ZNF721: variants seen among roughly 807,000 people sequenced by gnomAD.
The protein encoded by ZNF721 is zinc finger protein 721.
In ZNF721, 2 loss-of-function variants were observed where a neutral mutation model predicts 2.4. That is an observed-to-expected ratio of 0.82 (90% CI 0.34 to 2.58). ZNF721 has a LOEUF of 2.58. ZNF721 is among the 30% of genes most tolerant of loss of function. The probability of loss-of-function intolerance (pLI) is 0.11; values close to 1 mark genes in which losing one functional copy is unlikely to be tolerated. For synonymous variants in ZNF721, 398 were observed against 381.8 expected, an observed-to-expected ratio of 1.04 and a Z score of -0.50; for missense variants, 1,187 against 1,085.5, an observed-to-expected ratio of 1.09 and a Z score of -1.31.
intron 1 of ZNF721, among the ~76,000 whole-genome samples, chr4:474,870 C>A (rs1715585091): frequency 6.6e-6 from 1 of 151,720 alleles, no homozygotes; most frequent in South Asian, 2.1e-4. Context: ...AGTGAGACTC[C>A]GTCTCAAAAA....
chr4:447,385 C>T (rs1419444630), intron 2 of ZNF721, among the ~76,000 whole-genome samples: 1 of 151,628 alleles, frequency 6.6e-6, no homozygotes, highest in Non-Finnish European at 1.5e-5. Flanking sequence ...TATGTACTTT[C>T]CAAGATACCA....
Position 442,358 on chromosome 4 carries a change from G to T in ZNF721, c.2109C>A (p.Gly703=), listed in dbSNP as rs782241598. ...GEKPYKCEEC[G]KAFSRSRNLT... ...GGTTTCTTGACCTACTAAAGGCTTT[G>T]CCACACTCTTCACATTTGTAAGGTT... Residue 703 remains glycine (G), a synonymous_variant, in exon 3 of 3, where the codon GGC becomes GGA. Transcript: ENST00000511833. 1.2e-5 allele frequency: 20 copies of T among 1,613,834 alleles called. No individual in the cohort carries two copies. Among genetic ancestry groups the T allele is most frequent in the Middle Eastern group, 3.3e-4 (2 of 6,084 alleles).
intron 1 of ZNF721, among the ~76,000 whole-genome samples, chr4:473,459 A>C (rs921526651): frequency 1.2e-4 from 18 of 152,228 alleles, no homozygotes; most frequent in Non-Finnish European, 1.9e-4. Flanking sequence ...GGGCAAGGGG[A>C]CTGGTGGGAA....
At chr4:477,672 A>G (rs116570547) in intron 1 of ZNF721, among the ~76,000 whole-genome samples, 2,622 of 152,232 alleles carry the variant, frequency 0.017, 83 homozygotes, top group African/African-American at 0.06. Flanking sequence ...TGAGCAGAAA[A>G]AAGAGCCCCT....
intron 2 of ZNF721, among the ~76,000 whole-genome samples, chr4:470,896 A>C (rs1000495102): frequency 2.0e-5 from 3 of 151,826 alleles, no homozygotes; most frequent in African/African-American, 4.8e-5. Context: ...GCTACTCGGG[A>C]GGCTAAGGCA....
At chr4:461,404 C>G (rs1462943453) in intron 2 of ZNF721, among the ~76,000 whole-genome samples, 1 of 152,070 alleles carries the variant, frequency 6.6e-6, no homozygotes, top group Non-Finnish European at 1.5e-5. Flanking sequence ...AATTCAACAC[C>G]CCTTCATGCT....
At chr4:489,252 C>A (rs1715968130) in intron 1 of ZNF721, among the ~76,000 whole-genome samples, 1 of 152,264 alleles carries the variant, frequency 6.6e-6, no homozygotes, top group African/African-American at 2.4e-5. Flanking sequence ...GAGAAATTGA[C>A]CCCTCCCATT....
chr4:492,127 C>A (rs1197278559), intron 1 of ZNF721, among the ~76,000 whole-genome samples: 2 of 151,296 alleles, frequency 1.3e-5, no homozygotes, highest in African/African-American at 4.9e-5. Context: ...CACGCCACTG[C>A]ACTCCAGTCT....
intron 1 of ZNF721, among the ~76,000 whole-genome samples, chr4:491,311 A>C (rs4690269): frequency 6.6e-6 from 1 of 152,160 alleles, no homozygotes; most frequent in Non-Finnish European, 1.5e-5. Flanking sequence ...CTAGCTACTC[A>C]GGAGGCTGAG....
intron 1 of ZNF721, among the ~76,000 whole-genome samples, chr4:485,031 G>A (rs1264377300): frequency 1.1e-4 from 16 of 152,042 alleles, no homozygotes; most frequent in African/African-American, 3.9e-4. Flanking sequence ...TATTTCTCAA[G>A]CCGGCCGACA....
chr4:442,009 T>C lies in ZNF721; in HGVS notation c.2458A>G (p.Ser820Gly), dbSNP rs1714258724. The change falls in exon 3 of 3, where the codon AGT (serine) becomes GGT (glycine). Residue 820 changes from serine to glycine, a missense_variant. Physicochemically the swap from Ser to Gly is moderately conservative, Grantham distance 56. Coordinates refer to ENST00000511833, the MANE Select transcript of ZNF721 (RefSeq NM_133474.4). ...CTATGTTTAGTAAGGGTTGTGGAAC[T>C]AGTAAACGCTTTACCACATTCTAAA... ...KCLECGKAFT[S>G]STTLTKHRRI... is the part of the protein sequence containing the mutation. 6.2e-7 allele frequency: 1 copy of C among 1,613,938 alleles called. No individual in the cohort carries two copies. Among genetic ancestry groups the C allele is most frequent in the Non-Finnish European group, 8.5e-7 (1 of 1,179,922 alleles).
rs782155360 is a variant in ZNF721, at chr4:443,814, T to A, written c.653A>T (p.Asp218Val). The change falls in exon 3 of 3, where the codon GAT becomes GTT. Residue 218 changes from aspartate to valine, a missense_variant. Transcript: ENST00000511833. Reference protein sequence around the residue: ...LNEYKKIHTGDKPYKCKECGK... With the variant: ...LNEYKKIHTGVKPYKCKECGK... The stretch of plus-strand genomic sequence containing the variant: ...ACATTCTTTACATTTGTAGGGTTTA[T>A]CTCCAGTATGAATTTTCTTATATTC... The A allele has an allele frequency of 2.5e-6, 4 of 1,614,012 alleles. No individual in the cohort carries two copies. In the South Asian group the frequency reaches 4.4e-5, roughly 18 times the overall value.
Position 450,937 on chromosome 4 carries a change from C to CAAA in ZNF721, c.35-6508_35-6506dup, listed in dbSNP as rs781962651. On this transcript the variant is annotated intron_variant, in intron 2 of 2. Transcript: ENST00000511833. ...GGGCGACAGAGCAAGACTCTGTCTC[C>CAAA]AAAAAAAAAAAAAAAAAAAATATAT... is the stretch of plus-strand genomic sequence containing the variant. Among the ~76,000 whole-genome samples, 7 of 26,512 alleles carry CAAA rather than the reference C, an allele frequency of 2.6e-4. 1 individual carries two copies. The highest frequency in any genetic ancestry group is 7.3e-4 in the African/African-American group (4 of 5,506). 17.4% of individuals were successfully genotyped at this position (26,512 alleles called of 152,430 possible). A position where few individuals can be genotyped will look rare whatever the true frequency, so the allele number is the denominator to read the frequency against.
intron 1 of ZNF721, among the ~76,000 whole-genome samples, chr4:478,717 GCATA>G (rs1384783204): frequency 6.6e-6 from 1 of 151,878 alleles, no homozygotes; most frequent in Non-Finnish European, 1.5e-5. Flanking sequence ...TTCCTGCTAC[GCATA>G]CATAAATAGA....
At chr4:486,487 A>G (rs1715900777) in intron 1 of ZNF721, among the ~76,000 whole-genome samples, 1 of 152,112 alleles carries the variant, frequency 6.6e-6, no homozygotes, top group Admixed American at 6.6e-5. Flanking sequence ...TGTGTGCTCT[A>G]GGCACTTGCC....
rs544923673 is a variant in ZNF721 at position 440,213 on chromosome 4, G to C, written c.*1482C>G. On this transcript the variant is annotated 3_prime_UTR_variant, in exon 3 of 3. Transcript: ENST00000511833. ...CAACCACTAAAAGCCTCTCTGCTCA[G>C]ATTTTCCTGGTGCATCTTTTATTTC... The C allele has an allele frequency of 6.6e-6, 1 of 152,136 alleles. No homozygotes were observed. Among genetic ancestry groups the C allele is most frequent in the South Asian group, 2.1e-4 (1 of 4,820 alleles). 9.4% of individuals were successfully genotyped at this position (152,136 alleles called of 1,614,324 possible).
intron 2 of ZNF721, among the ~76,000 whole-genome samples, chr4:461,173 C>T (rs1553866044): frequency 6.6e-6 from 1 of 152,124 alleles, no homozygotes; most frequent in African/African-American, 2.4e-5. Flanking sequence ...CCAATATCCC[C>T]GATGAACATC....
intron 2 of ZNF721, among the ~76,000 whole-genome samples, chr4:471,717 T>G (rs1024649452): frequency 6.6e-6 from 1 of 152,170 alleles, no homozygotes; most frequent in African/African-American, 2.4e-5. Context: ...TGCTTACAAT[T>G]TGCTAGGACA....
At chr4:471,761 C>A (rs1553867706) in intron 2 of ZNF721, among the ~76,000 whole-genome samples, 1 of 152,034 alleles carries the variant, frequency 6.6e-6, no homozygotes, top group Non-Finnish European at 1.5e-5. Flanking sequence ...CCAAAAAAAT[C>A]ATGATCTATA....
Sources: gnomAD v4.1 joint callset for allele counts (sites outside exome capture counted in the v4.1 genomes callset) on GRCh38, gnomAD v4.1.1 for gene constraint, MANE v1.5 for transcripts, NCBI Gene and HGNC (gene_info 2026-07-23, HGNC 2026-07-21) for gene names.